ABCC4: variants seen among roughly 807,000 people sequenced by gnomAD.
The protein encoded by ABCC4 is ATP binding cassette subfamily C member 4 (PEL blood group).
A neutral mutation model predicts 168.5 loss-of-function variants in ABCC4; 102 were observed. The observed-to-expected ratio is 0.61, with a 90% CI of 0.52 to 0.71. ABCC4 has a LOEUF of 0.71. ABCC4 is among the 30% of genes least tolerant of loss of function. ABCC4 has a pLI of 0.00. For synonymous variants in ABCC4, 617 were observed against 590.7 expected, an observed-to-expected ratio of 1.04 and a Z score of -0.65; for missense variants, 1,402 against 1,605.8, an observed-to-expected ratio of 0.87 and a Z score of 2.17.
At position 95,254,578 on chromosome 13, in the gene ABCC4, T is replaced by C. The variant is rs1465503886; in HGVS notation, c.75-6825A>G. Among the ~76,000 whole-genome samples, 3 of 152,308 alleles carry C rather than the reference T, an allele frequency of 2.0e-5. No individual in the cohort carries two copies. In the East Asian group the frequency reaches 5.8e-4, roughly 29 times the overall value. On this transcript the variant is annotated intron_variant, in intron 1 of 30. Transcript: ENST00000645237. ...GTTATCAGCCGTCACATCTTTCCCC[T>C]TGCCCAGATTTTCCAAAGAAAAGAA... is the stretch of plus-strand genomic sequence containing the variant.
At position 95,124,476 on chromosome 13, in the gene ABCC4, G is replaced by A. The variant is rs552241300; in HGVS notation, c.2456-8475C>T. Among the ~76,000 whole-genome samples, 14 of 150,392 alleles carry A rather than the reference G, an allele frequency of 9.3e-5. No homozygotes were observed. The East Asian group carries it at 1.4e-3, about 15-fold the overall frequency. On this transcript the variant is annotated intron_variant, in intron 19 of 30. Coordinates refer to ENST00000645237, the MANE Select transcript of ABCC4 (RefSeq NM_005845.5). ...AGAAACCAAGGGGAGAGGACTGTTT[G>A]AGCCCAGGAGTTTGATGATGCAGTG...
At chr13:95,170,691 A>G in intron 13 of ABCC4, 63 bp from the exon 14 acceptor site, 2 of 992,824 alleles carry the variant, frequency 2.0e-6, no homozygotes, top group Non-Finnish European at 3.0e-6. Context: ...ATTGAAAAAC[A>G]TACATTTTGA....
Position 95,186,789 on chromosome 13 carries a change from G to A in ABCC4, c.1457C>T (p.Ser486Leu), listed in dbSNP as rs777079231. The A allele has an allele frequency of 3.7e-6, 6 of 1,613,900 alleles. No homozygotes were observed. In the African/African-American group the frequency reaches 4.0e-5, roughly 11 times the overall value. The change falls in exon 11 of 31, where the codon TCG (serine) becomes TTG (leucine). Residue 486 changes from serine (S) to leucine (L), a missense_variant. Around this residue, in one of 3 missense-constraint regions of ABCC4, gnomAD observed 1,007 missense variants for 1,127.3 expected, o/e 0.89. Coordinates refer to ENST00000645237, the MANE Select transcript of ABCC4 (RefSeq NM_005845.5). ...AYVSQQPWVF[S>L]GTLRSNILFG... ...TAAAATATTACTCCTCAGAGTTCCC[G>A]AGAACACCCAGGGCTGCTGAGACAC... is the stretch of plus-strand genomic sequence containing the variant.
intron 13 of ABCC4, among the ~76,000 whole-genome samples, chr13:95,176,409 C>G (rs2139592279): frequency 6.6e-6 from 1 of 152,148 alleles, no homozygotes; most frequent in African/African-American, 2.4e-5. Context: ...GCAGGAGAAT[C>G]TCTTGAACCC....
At chr13:95,048,944 AG>A (rs1296965081) in intron 27 of ABCC4, among the ~76,000 whole-genome samples, 22 of 152,262 alleles carry the variant, frequency 1.4e-4, no homozygotes, top group Admixed American at 1.4e-3. Context: ...GCTCTTATTT[AG>A]GGGCCCGAAG....
intron 30 of ABCC4, among the ~76,000 whole-genome samples, chr13:95,028,606 A>G (rs1308869340): frequency 6.6e-6 from 1 of 152,196 alleles, no homozygotes; most frequent in East Asian, 1.9e-4. Flanking sequence ...CCAACAGAAT[A>G]CGAAAATTCA....
chr13:95,291,917 G>T, intron 1 of ABCC4, among the ~76,000 whole-genome samples: 1 of 151,954 alleles, frequency 6.6e-6, no homozygotes, highest in East Asian at 1.9e-4. Context: ...CTGCACGCCA[G>T]CCTGGGCAAC....
At chr13:95,029,246 AG>A (rs1566355877) in intron 30 of ABCC4, among the ~76,000 whole-genome samples, 8 of 5,110 alleles carry the variant, frequency 1.6e-3, no homozygotes, top group Admixed American at 2.9e-3. Flanking sequence ...AGAGAGAGAG[AG>A]AGAGAGAAAG....
chr13:95,222,042 T>C (rs975636600), intron 4 of ABCC4, among the ~76,000 whole-genome samples: 7 of 152,174 alleles, frequency 4.6e-5, no homozygotes, highest in African/African-American at 1.7e-4. Context: ...GGCCCCAGGA[T>C]TGGGGTTTTT....
At chr13:95,079,805 T>C (rs780295783) in intron 21 of ABCC4, among the ~76,000 whole-genome samples, 9 of 151,906 alleles carry the variant, frequency 5.9e-5, no homozygotes, top group Non-Finnish European at 8.8e-5. Context: ...CACTGCACTC[T>C]AGCCTGGGCA....
chr13:95,241,044 A>G (rs543319807), intron 3 of ABCC4, among the ~76,000 whole-genome samples: 1 of 152,150 alleles, frequency 6.6e-6, no homozygotes, highest in South Asian at 2.1e-4. Flanking sequence ...GCAGCTGAAC[A>G]AGAAATGTAG....
intron 9 of ABCC4, among the ~76,000 whole-genome samples, chr13:95,191,931 C>T (rs573926002): frequency 1.3e-5 from 2 of 152,362 alleles, no homozygotes; most frequent in South Asian, 4.1e-4. Flanking sequence ...GGGCTGCAGC[C>T]AGAAGGGGGC....
chr13:95,247,069 G>C lies in ABCC4; in HGVS notation c.212C>G (p.Ala71Gly). ...AGAAGGCTTCTGTGCGTCATTCTCA[G>C]CTCTTAAAACTTCTTTATCCCAGAA... is the stretch of plus-strand genomic sequence containing the variant. ...QGFWDKEVLR[A>G]ENDAQKPSLT... is the part of the protein sequence containing the mutation. The change falls in exon 3 of 31, where the codon GCT (alanine) becomes GGT (glycine). Residue 71 changes from alanine to glycine, a missense_variant. Around this residue, in one of 3 missense-constraint regions of ABCC4, gnomAD observed 317 missense variants for 345.5 expected, o/e 0.92. Coordinates refer to ENST00000645237, the MANE Select transcript of ABCC4 (RefSeq NM_005845.5). The C allele has an allele frequency of 6.2e-7, 1 of 1,613,698 alleles. No homozygotes were observed. Among genetic ancestry groups the C allele is most frequent in the Non-Finnish European group, 8.5e-7 (1 of 1,179,696 alleles).
intron 1 of ABCC4, among the ~76,000 whole-genome samples, chr13:95,259,181 G>GT (rs2040465688): frequency 6.6e-6 from 1 of 152,180 alleles, no homozygotes; most frequent in Non-Finnish European, 1.5e-5. Context: ...GAGGTCAGGA[G>GT]TTTGAGACCA....
Position 95,064,532 on chromosome 13 carries a change from T to TGTGG in ABCC4, c.3211-1674_3211-1673insCCAC, listed in dbSNP as rs1555306927. ...GTGTGTATGTGTGTGTGTGTGTGTG[T>TGTGG]GGGGCTTATGTGTGTTTCTCAGTAA... On this transcript the variant is annotated intron_variant, in intron 25 of 30. Transcript: ENST00000645237. Among the ~76,000 whole-genome samples, 175 of 141,854 alleles carry TGTGG rather than the reference T, an allele frequency of 1.2e-3. 2 individuals carry two copies. The East Asian group carries it at 0.015, about 12-fold the overall frequency. The allele number at this position is 141,854 out of a possible 152,430, so 93.1% of individuals were successfully genotyped here.
intron 9 of ABCC4, among the ~76,000 whole-genome samples, chr13:95,194,607 G>T (rs553113500): frequency 6.6e-6 from 1 of 152,096 alleles, no homozygotes; most frequent in Non-Finnish European, 1.5e-5. Flanking sequence ...ACTTTCCTTG[G>T]TTTTTTGAAA....
intron 12 of ABCC4, 47 bp from the exon 13 acceptor site, chr13:95,177,840 A>G: frequency 6.5e-7 from 1 of 1,546,986 alleles, no homozygotes; most frequent in Non-Finnish European, 8.9e-7. Context: ...GAACATGACA[A>G]CTTTCAACAA....
At chr13:95,159,093 T>TTATATATATATA (rs554884258) in intron 19 of ABCC4, among the ~76,000 whole-genome samples, 1,063 of 60,908 alleles carry the variant, frequency 0.017, 87 homozygotes, top group East Asian at 0.033. Context: ...TAAATAAATT[T>TTATATATATATA]TATATATATA....
intron 1 of ABCC4, among the ~76,000 whole-genome samples, chr13:95,274,071 TG>T (rs1055675481): frequency 2.0e-5 from 3 of 152,170 alleles, no homozygotes; most frequent in African/African-American, 7.2e-5. Flanking sequence ...CCTCTTCTTT[TG>T]TAAATTGCCC....
Sources: gnomAD v4.1 joint callset for allele counts (sites outside exome capture counted in the v4.1 genomes callset) on GRCh38, gnomAD v4.1.1 for gene constraint, gnomAD v4.1.1 regional missense constraint, MANE v1.5 for transcripts, NCBI Gene and HGNC (gene_info 2026-07-23, HGNC 2026-07-21) for gene names.